The following PLK5 variants were observed in gnomAD, a reference collection of about 807,000 sequenced individuals.
The protein encoded by PLK5 is polo like kinase 5 (inactive), also known as inactive serine/threonine-protein kinase PLK5.
PLK5 carries 28 observed loss-of-function variants against 33.7 expected under a neutral mutation model. That is an observed-to-expected ratio of 0.83 (90% CI 0.62 to 1.14). PLK5 has a LOEUF of 1.14. Among genes scored for constraint, PLK5 ranks in the 50% most tolerant of loss-of-function variants. The pLI, the probability that PLK5 is intolerant of heterozygous loss-of-function variation, is 0.00. For missense variants in PLK5, 492 were observed against 461.5 expected, an observed-to-expected ratio of 1.07 and a Z score of -0.61; for synonymous variants, 225 against 202.2, an observed-to-expected ratio of 1.11 and a Z score of -0.96.
In PLK5 at chr19:1,527,978, CCT is replaced by C. The variant is rs768488815; in HGVS notation, c.46_47del (p.Leu16ValfsTer9). On this transcript the variant is annotated frameshift_variant, in exon 7 of 14. Transcript: ENST00000454744. LOFTEE classifies it high-confidence loss of function. The stretch of plus-strand genomic sequence containing the variant: ...GCACCCCACCCTTCATGGCCTCACC[CCT>C]GTCGGAGATGTACCAAAACATCCGT... ...TGTPPFMASPLSEMYQNIREG... is the reference protein window; with the variant it reads ...TGTPPFMASPXSEMYQNIREG... The C allele has an allele frequency of 2.7e-5, 42 of 1,535,986 alleles. No individual in the cohort carries two copies. In the African/African-American group the frequency reaches 4.9e-4, roughly 18 times the overall value.
Position 1,524,600 on chromosome 19 carries a change from C to CGTGTGTGTGT in PLK5, c.-544+377_-544+386dup, listed in dbSNP as rs57882577. Among the ~76,000 whole-genome samples, 8 of 149,916 alleles carry CGTGTGTGTGT rather than the reference C, an allele frequency of 5.3e-5. No individual in the cohort carries two copies. Among genetic ancestry groups the CGTGTGTGTGT allele is most frequent in the African/African-American group, 1.7e-4 (7 of 40,718 alleles). On this transcript the variant is annotated intron_variant, in intron 1 of 13. Transcript: ENST00000454744. This position sits in a 1 kb window ranked among gnomAD's most constrained non-coding sequence, Gnocchi z 4.5. Reference sequence around the variant, plus strand: ...AAGTGTCTGGGTGCTGTGCGGTGTTCGTGTGTGTGTGTGTGTGTGTGTGTG... The same window carrying CGTGTGTGTGT: ...AAGTGTCTGGGTGCTGTGCGGTGTTCGTGTGTGTGTGTGTGTGTGTGTGTGTGTGTGTGTG...
chr19:1,527,895 G>A (rs781688313), intron 6 of PLK5, 41 bp from the exon 7 acceptor site: 41 of 1,512,770 alleles, frequency 2.7e-5, no homozygotes, highest in East Asian at 2.0e-4. Context: ...AGCTCTGAGC[G>A]ATGCCTGGAC....
rs1436862360 is a variant in PLK5, at chr19:1,528,932, A to G, written c.363A>G (p.Gly121=). Residue 121 remains glycine, a synonymous_variant, in exon 9 of 14, where the codon GGA becomes GGG. Coordinates refer to ENST00000454744, the MANE Select transcript of PLK5 (RefSeq NM_001243079.2). The part of the protein sequence containing the change: ...PFTPKEASGP[G]EGGPDPDSME... ...CGCCTAAAGAGGCCTCGGGTCCAGGAGAAGGTGGGCCAGACCCTGACTCCA... is the reference window on the plus strand; with the variant it reads ...CGCCTAAAGAGGCCTCGGGTCCAGGGGAAGGTGGGCCAGACCCTGACTCCA... 1 of 1,514,690 alleles carries G rather than the reference A, an allele frequency of 6.6e-7. No individual in the cohort carries two copies. The highest frequency in any genetic ancestry group is 2.5e-5 in the East Asian group (1 of 39,704). 93.8% of individuals were successfully genotyped at this position (1,514,690 alleles called of 1,614,324 possible).
chr19:1,531,927 C>T (rs1286902890), intron 12 of PLK5, 44 bp downstream of exon 12: 27 of 1,422,308 alleles, frequency 1.9e-5, no homozygotes, highest in Non-Finnish European at 2.5e-5. Context: ...GGCACTCCCC[C>T]TGCCTTTTTT....
chr19:1,529,554 G>C, intron 10 of PLK5, 64 bp downstream of exon 10: 1 of 1,484,218 alleles, frequency 6.7e-7, no homozygotes, highest in Non-Finnish European at 9.1e-7. Flanking sequence ...AAGTGACAGG[G>C]GGACCAAGGC....
In PLK5 at chr19:1,533,485, G is replaced by C. The variant is rs536641222; in HGVS notation, c.715-446G>C. On this transcript the variant is annotated intron_variant, in intron 12 of 13. Coordinates refer to ENST00000454744, the MANE Select transcript of PLK5 (RefSeq NM_001243079.2). ...AGTGGCGGAGGCCTGGGCTGTGCTG[G>C]TGACCGGGGAGGGATGAGAGGGGCT... is the stretch of plus-strand genomic sequence containing the variant. Among the ~76,000 whole-genome samples the C allele has an allele frequency of 3.9e-5, 6 of 152,320 alleles. No individual in the cohort carries two copies. In the South Asian group the frequency reaches 1.2e-3, roughly 32 times the overall value.
Position 1,528,554 on chromosome 19 carries a change from ACGCC to A in PLK5, c.328+127_328+130del. On this transcript the variant is annotated intron_variant, in intron 8 of 13. Transcript: ENST00000454744. Reference sequence around the variant, plus strand: ...ACCTGCCCACGCCTCCCACCTGCCCACGCCTCCCACCTGCCCACGCCTCCCACCT... The same window carrying A: ...ACCTGCCCACGCCTCCCACCTGCCCATCCCACCTGCCCACGCCTCCCACCT... 4 of 465,088 alleles carry A rather than the reference ACGCC, an allele frequency of 8.6e-6. 1 individual carries two copies. Among genetic ancestry groups the A allele is most frequent in the Non-Finnish European group, 1.1e-5 (4 of 359,790 alleles). The allele number at this position is 465,088 out of a possible 1,614,324, so 28.8% of individuals were successfully genotyped here. A position where few individuals can be genotyped will look rare whatever the true frequency, so the allele number is the denominator to read the frequency against.
intron 11 of PLK5, among the ~76,000 whole-genome samples, chr19:1,530,819 T>C (rs1453695754): frequency 6.6e-6 from 1 of 151,258 alleles, no homozygotes; most frequent in East Asian, 2.0e-4. Flanking sequence ...GGGGTTTCAC[T>C]GTGTTAGCCA....
In PLK5 at chr19:1,535,186, A is replaced by G; in HGVS notation, c.947A>G (p.His316Arg). ...TACTCCCTGGACGTCCCGCGGAGCCACGGCTGCGCCCCCACCACCGGACAG... is the reference window on the plus strand; with the variant it reads ...TACTCCCTGGACGTCCCGCGGAGCCGCGGCTGCGCCCCCACCACCGGACAG... ...TSYSLDVPRS[H>R]GCAPTTGQHL... The change falls in exon 14 of 14, where the codon CAC becomes CGC. Residue 316 changes from histidine (H) to arginine (R), a missense_variant. Physicochemically the swap from His to Arg is conservative, Grantham distance 29. Transcript: ENST00000454744. 1 of 1,518,522 alleles carries G rather than the reference A, an allele frequency of 6.6e-7. No homozygotes were observed. Among genetic ancestry groups the G allele is most frequent in the Non-Finnish European group, 8.7e-7 (1 of 1,144,428 alleles). 94.1% of individuals were successfully genotyped at this position (1,518,522 alleles called of 1,614,324 possible). A position where few individuals can be genotyped will look rare whatever the true frequency, so the allele number is the denominator to read the frequency against.
chr19:1,532,799 G>A (rs1913970560), intron 12 of PLK5, among the ~76,000 whole-genome samples: 1 of 151,936 alleles, frequency 6.6e-6, no homozygotes, highest in African/African-American at 2.4e-5. Flanking sequence ...TGGGATTATA[G>A]GCATGAGCCA....
At chr19:1,534,829 AG>A (rs1486199216) in intron 13 of PLK5, among the ~76,000 whole-genome samples, 1 of 145,728 alleles carries the variant, frequency 6.9e-6, no homozygotes, top group African/African-American at 2.6e-5. Context: ...AAAAAAAAAA[AG>A]TCAGGGTCTT....
chr19:1,526,263 GCGGGGC>G (rs1319379667), intron 3 of PLK5, among the ~76,000 whole-genome samples: 2 of 151,632 alleles, frequency 1.3e-5, no homozygotes, highest in Non-Finnish European at 2.9e-5. Context: ...GGTGCCAGGT[GCGGGGC>G]CGGGGCCGGG....
intron 12 of PLK5, among the ~76,000 whole-genome samples, chr19:1,532,521 C>G (rs61126914): frequency 1.7e-5 from 2 of 118,802 alleles, no homozygotes; most frequent in African/African-American, 5.9e-5. Flanking sequence ...AAATTTTCTT[C>G]TTTTTTTTTT....
chr19:1,535,157 CTCCTACT>C lies in PLK5; in HGVS notation c.919_925del (p.Ser307ProfsTer91). The C allele has an allele frequency of 6.5e-7, 1 of 1,535,736 alleles. No individual in the cohort carries two copies. The highest frequency in any genetic ancestry group is 2.0e-5 in the Admixed American group (1 of 50,962). ...TCTGGGAGCAGGGGTCCCCTGGCAC[CTCCTACT>C]CCCTGGACGTCCCGCGGAGCCACGG... is the stretch of plus-strand genomic sequence containing the variant. On this transcript the variant is annotated frameshift_variant, in exon 14 of 14. Transcript: ENST00000454744. LOFTEE classifies it low-confidence loss of function (END_TRUNC).
At position 1,527,963 on chromosome 19, in the gene PLK5, C is replaced by A; in HGVS notation, c.30C>A (p.Pro10=). 4 of 1,535,908 alleles carry A rather than the reference C, an allele frequency of 2.6e-6. No individual in the cohort carries two copies. Among genetic ancestry groups the A allele is most frequent in the Non-Finnish European group, 3.5e-6 (4 of 1,146,720 alleles). Residue 10 remains proline (P), a synonymous_variant, in exon 7 of 14, where the codon CCC becomes CCA. Coordinates refer to ENST00000454744, the MANE Select transcript of PLK5 (RefSeq NM_001243079.2). ...ACACGGTGCTGACTGGCACCCCACC[C>A]TTCATGGCCTCACCCCTGTCGGAGA... is the stretch of plus-strand genomic sequence containing the variant. MYTVLTGTP[P]FMASPLSEMY... is the part of the protein sequence containing the mutation.
intron 12 of PLK5, 144 bp from the exon 13 acceptor site, chr19:1,533,779 CGGCCTGCT>C (rs1167111866): frequency 3.1e-6 from 2 of 645,442 alleles, no homozygotes; most frequent in African/African-American, 3.6e-5. Flanking sequence ...GGGATGTGCC[CGGCCTGCT>C]GGGCGCCAAG....
intron 3 of PLK5, 71 bp from the exon 4 acceptor site, chr19:1,526,415 A>C (rs1913740548): frequency 4.8e-6 from 1 of 208,004 alleles, no homozygotes; most frequent in Non-Finnish European, 1.0e-5. Flanking sequence ...TCATCCCATA[A>C]TCAGCCATAC....
At position 1,529,579 on chromosome 19, in the gene PLK5, G is replaced by T. The variant is rs1463436454; in HGVS notation, c.490+89G>T. 29 of 1,448,134 alleles carry T rather than the reference G, an allele frequency of 2.0e-5. No homozygotes were observed. The Middle Eastern group carries it at 5.5e-4, about 27-fold the overall frequency. The allele number at this position is 1,448,134 out of a possible 1,614,324, so 89.7% of individuals were successfully genotyped here. On this transcript the variant is annotated intron_variant, in intron 10 of 13. Transcript: ENST00000454744. ...GGGACCAAGGCCGTGGCTTACCAGGGTCACAGCCGCCGTCCCGGCCTCACC... is the reference window on the plus strand; with the variant it reads ...GGGACCAAGGCCGTGGCTTACCAGGTTCACAGCCGCCGTCCCGGCCTCACC...
chr19:1,528,351 T>C lies in PLK5; in HGVS notation c.251T>C (p.Ile84Thr). Residue 84 changes from isoleucine to threonine, a missense_variant, in exon 8 of 14, where the codon ATC becomes ACC. By Grantham distance (89) the Ile-to-Thr change is moderately conservative. Transcript: ENST00000454744. ...GCCCACTCCTGCCACAGTCCCCCCATCTTCGCCATACCCCCGCCTCTGGGC... is the reference window on the plus strand; with the variant it reads ...GCCCACTCCTGCCACAGTCCCCCCACCTTCGCCATACCCCCGCCTCTGGGC... ...LPAHSCHSPP[I>T]FAIPPPLGRI... is the part of the protein sequence containing the mutation. 1 of 1,534,956 alleles carries C rather than the reference T, an allele frequency of 6.5e-7. No homozygotes were observed. The highest frequency in any genetic ancestry group is 8.7e-7 in the Non-Finnish European group (1 of 1,146,572).
Sources: allele counts gnomAD v4.1 joint callset (sites outside exome capture counted in the v4.1 genomes callset), GRCh38; gene constraint gnomAD v4.1.1; non-coding constraint Gnocchi (gnomAD v3.1); transcripts MANE v1.5; gene names NCBI Gene and HGNC (gene_info 2026-07-23, HGNC 2026-07-21).